Variants in TCF7L2 observed in about 807,000 individuals in gnomAD.
TCF7L2 encodes transcription factor 7 like 2.
TCF7L2 carries 23 observed loss-of-function variants against 77.9 expected under a neutral mutation model. The observed-to-expected ratio is 0.30, with a 90% CI of 0.21 to 0.42. The LOEUF (loss-of-function observed/expected upper bound fraction) is 0.42, where lower values mean the gene tolerates loss of function less well. TCF7L2 is among the 10% of genes least tolerant of loss of function. The pLI is 1.00. For synonymous variants in TCF7L2, 413 were observed against 340.2 expected (o/e 1.21, Z -2.36); for missense variants, 654 against 793.1 (o/e 0.82, Z 2.11).
At chr10:113,039,844 A>T (rs1004032069) in intron 4 of TCF7L2, among the ~76,000 whole-genome samples, 181 bp from the exon 5 acceptor site, 5 of 152,172 alleles carry the variant, frequency 3.3e-5, no homozygotes, top group African/African-American at 1.2e-4. Context: ...TACTTACTGA[A>T]CTTGAGCTCT....
chr10:113,034,453 G>T (rs1210964332), intron 4 of TCF7L2, among the ~76,000 whole-genome samples: 1 of 152,212 alleles, frequency 6.6e-6, no homozygotes, highest in Admixed American at 6.5e-5. Context: ...CTTTGGACAT[G>T]ATGGGCTATG....
At chr10:113,150,957 C>A (rs2137124028) in intron 8 of TCF7L2, 41 bp from the exon 9 acceptor site, 1 of 1,608,934 alleles carries the variant, frequency 6.2e-7, no homozygotes, top group African/African-American at 1.3e-5. Flanking sequence ...CTCATTCATT[C>A]ATTTTGATTC....
intron 5 of TCF7L2, among the ~76,000 whole-genome samples, chr10:113,090,255 T>C (rs967102776): frequency 2.6e-5 from 4 of 152,212 alleles, no homozygotes; most frequent in Non-Finnish European, 4.4e-5. Flanking sequence ...TTCAAGGAAC[T>C]CTTAGGTTTA....
chr10:112,960,256 G>T (rs1334080888), intron 3 of TCF7L2, among the ~76,000 whole-genome samples: 1 of 152,136 alleles, frequency 6.6e-6, no homozygotes, highest in Non-Finnish European at 1.5e-5. Context: ...ATCAAATTTA[G>T]AGCCCAGTAG....
chr10:113,081,488 G>A (rs1030182688), intron 5 of TCF7L2, among the ~76,000 whole-genome samples: 2 of 152,174 alleles, frequency 1.3e-5, no homozygotes, highest in African/African-American at 4.8e-5. Context: ...GAGTAAGGTG[G>A]ATGGGCTTCT....
At chr10:112,980,631 T>C (rs1239905627) in intron 4 of TCF7L2, among the ~76,000 whole-genome samples, 1 of 151,962 alleles carries the variant, frequency 6.6e-6, no homozygotes, top group African/African-American at 2.4e-5. Flanking sequence ...TTGTTTCTTT[T>C]TTTTTTTTTT....
intron 5 of TCF7L2, among the ~76,000 whole-genome samples, chr10:113,135,304 C>T (rs547429827): frequency 2.0e-5 from 3 of 152,162 alleles, no homozygotes; most frequent in Non-Finnish European, 4.4e-5. Flanking sequence ...CCCATTCCCC[C>T]CCACTGTAGT....
intron 4 of TCF7L2, among the ~76,000 whole-genome samples, chr10:113,022,700 T>C (rs2048451234): frequency 6.6e-6 from 1 of 152,220 alleles, no homozygotes; most frequent in South Asian, 2.1e-4. Context: ...TATAATATAA[T>C]AGCTAGCAAT....
chr10:113,016,141 T>A (rs2047304873), intron 4 of TCF7L2, among the ~76,000 whole-genome samples: 1 of 151,678 alleles, frequency 6.6e-6, no homozygotes, highest in African/African-American at 2.4e-5. Context: ...CTCGGCTCAC[T>A]ACAACCTCTG....
At chr10:113,121,111 A>G (rs935803288) in intron 5 of TCF7L2, among the ~76,000 whole-genome samples, 1 of 152,198 alleles carries the variant, frequency 6.6e-6, no homozygotes, top group Non-Finnish European at 1.5e-5. Context: ...CAGCCTTCAA[A>G]CCACTGTAAT....
intron 5 of TCF7L2, among the ~76,000 whole-genome samples, chr10:113,098,306 C>G (rs1289332020): frequency 6.6e-6 from 1 of 151,664 alleles, no homozygotes; most frequent in Non-Finnish European, 1.5e-5. Context: ...CTTCCTTGGT[C>G]AGGTCACTTG....
intron 5 of TCF7L2, among the ~76,000 whole-genome samples, chr10:113,078,803 A>G (rs1770520951): frequency 6.6e-6 from 1 of 151,468 alleles, no homozygotes; most frequent in Non-Finnish European, 1.5e-5. Flanking sequence ...AGCCGCAGGG[A>G]TCAGTCAGAT....
intron 5 of TCF7L2, among the ~76,000 whole-genome samples, chr10:113,066,881 A>G (rs1425536226): frequency 2.0e-5 from 3 of 152,266 alleles, no homozygotes; most frequent in Admixed American, 2.0e-4. Context: ...CATCAAAAAC[A>G]TGTCCACATT....
chr10:113,017,608 G>C (rs148737794), intron 4 of TCF7L2, among the ~76,000 whole-genome samples: 83 of 152,320 alleles, frequency 5.4e-4, no homozygotes, highest in African/African-American at 1.7e-3. Context: ...GGGAAAGGCT[G>C]GTCCACTGGA....
chr10:113,122,359 A>G (rs1398000842), intron 5 of TCF7L2, among the ~76,000 whole-genome samples: 2 of 152,262 alleles, frequency 1.3e-5, no homozygotes, highest in Non-Finnish European at 2.9e-5. Context: ...AATTTGTAAA[A>G]TTAATCTTTG....
chr10:113,035,096 C>T (rs1274886902), intron 4 of TCF7L2, among the ~76,000 whole-genome samples: 1 of 151,992 alleles, frequency 6.6e-6, no homozygotes, highest in Non-Finnish European at 1.5e-5. Flanking sequence ...GATTTTTAGA[C>T]TTCCATTCTG....
At chr10:113,004,346 C>A (rs137918888) in intron 4 of TCF7L2, among the ~76,000 whole-genome samples, 2 of 152,050 alleles carry the variant, frequency 1.3e-5, no homozygotes, top group Non-Finnish European at 2.9e-5. Context: ...TTTAGGAAGC[C>A]GTGATGGAGC....
At chr10:113,053,806 G>A (rs1360224091) in intron 5 of TCF7L2, among the ~76,000 whole-genome samples, 3 of 152,150 alleles carry the variant, frequency 2.0e-5, no homozygotes, top group Admixed American at 6.5e-5. Context: ...TCCTCACAAC[G>A]CCCTTATGAA....
At chr10:113,014,707 T>C (rs1007852262) in intron 4 of TCF7L2, among the ~76,000 whole-genome samples, 2 of 151,638 alleles carry the variant, frequency 1.3e-5, no homozygotes, top group Non-Finnish European at 2.9e-5. Context: ...AATTGCTTGA[T>C]CCCAGGAGGC....
Sources: allele counts gnomAD v4.1 joint callset (sites outside exome capture counted in the v4.1 genomes callset), GRCh38; gene constraint gnomAD v4.1.1; transcripts MANE v1.5; gene names NCBI Gene and HGNC (gene_info 2026-07-23, HGNC 2026-07-21).